The following FAM81A variants were observed in gnomAD, a reference collection of about 807,000 sequenced individuals.
FAM81A encodes the protein family with sequence similarity 81 member A.
FAM81A carries 19 observed loss-of-function variants against 46.7 expected under a neutral mutation model. The observed-to-expected ratio is 0.41, with a 90% CI of 0.28 to 0.60. The LOEUF (loss-of-function observed/expected upper bound fraction) is 0.60. Among genes scored for constraint, FAM81A ranks in the 20% least tolerant of loss-of-function variants. FAM81A has a pLI of 0.34. For synonymous variants in FAM81A, 183 were observed against 152.9 expected (o/e 1.20, Z -1.45); for missense variants, 377 against 453.5 (o/e 0.83, Z 1.53).
chr15:59,408,718 A>C (rs1412811929), intron 2 of FAM81A, among the ~76,000 whole-genome samples: 1 of 151,902 alleles, frequency 6.6e-6, no homozygotes, highest in East Asian at 1.9e-4. Context: ...AATCCCAGCT[A>C]CTCCGGAGGC....
chr15:59,454,143 T>G (rs1265328544), intron 1 of FAM81A, among the ~76,000 whole-genome samples: 6 of 152,356 alleles, frequency 3.9e-5, no homozygotes, highest in Non-Finnish European at 5.9e-5. Flanking sequence ...TTCACTCTGT[T>G]TTTAGCTATA....
At position 59,438,278 on chromosome 15, in the gene FAM81A, C is replaced by T. The variant is rs1214336520; in HGVS notation, c.-82C>T. The T allele has an allele frequency of 2.0e-5, 3 of 151,088 alleles. No individual in the cohort carries two copies. Among genetic ancestry groups the T allele is most frequent in the Admixed American group, 1.3e-4 (2 of 15,160 alleles). The allele number at this position is 151,088 out of a possible 1,614,324, so 9.4% of individuals were successfully genotyped here. A position where few individuals can be genotyped will look rare whatever the true frequency, so the allele number is the denominator to read the frequency against. On this transcript the variant is annotated 5_prime_UTR_variant, in exon 1 of 9. Transcript: ENST00000288228. Reference sequence around the variant, plus strand: ...GCAGCCGCGGCGCGCCCACCCCCCGCGCCGGTGAGTGCCGCGCTCTGGGAA... The same window carrying T: ...GCAGCCGCGGCGCGCCCACCCCCCGTGCCGGTGAGTGCCGCGCTCTGGGAA...
intron 4 of FAM81A, among the ~76,000 whole-genome samples, chr15:59,505,282 C>T (rs12906586): frequency 0.34 from 51,063 of 151,844 alleles, 10,322 homozygotes; most frequent in Non-Finnish European, 0.44. Flanking sequence ...GAGGCTGAGG[C>T]GGGTGGATTG....
chr15:59,447,960 A>G (rs1391565256), intron 1 of FAM81A, among the ~76,000 whole-genome samples: 1 of 152,166 alleles, frequency 6.6e-6, no homozygotes, highest in East Asian at 1.9e-4. Flanking sequence ...CTCCTGCCTC[A>G]TCCATCTTTG....
At chr15:59,445,652 T>A (rs2081346762) in intron 1 of FAM81A, 1 of 152,222 alleles carries the variant, frequency 6.6e-6, no homozygotes, top group Admixed American at 6.5e-5. Flanking sequence ...GCCTAAATTC[T>A]TAGCTTTTCA....
At chr15:59,401,787 G>A (rs1192344953) in intron 1 of FAM81A, 17 of 718,266 alleles carry the variant, frequency 2.4e-5, no homozygotes, top group Non-Finnish European at 3.3e-5. Flanking sequence ...TTTTTTTTTG[G>A]TGTTTCTCTT....
chr15:59,470,386 G>T (rs1287159714), intron 3 of FAM81A, among the ~76,000 whole-genome samples: 1 of 152,108 alleles, frequency 6.6e-6, no homozygotes, highest in Non-Finnish European at 1.5e-5. Context: ...ATATTTCTTG[G>T]AGGCTTTACT....
intron 4 of FAM81A, among the ~76,000 whole-genome samples, chr15:59,501,892 A>G (rs1449193420): frequency 6.6e-6 from 1 of 152,244 alleles, no homozygotes; most frequent in Non-Finnish European, 1.5e-5. Context: ...ATGCGCAGTT[A>G]TATTAGAGCC....
At position 59,523,090 on chromosome 15, in the gene FAM81A, ATC is replaced by A. The variant is rs1260867314; in HGVS notation, c.*1716_*1717del. 1 of 152,246 alleles carries A rather than the reference ATC, an allele frequency of 6.6e-6. No individual in the cohort carries two copies. The highest frequency in any genetic ancestry group is 2.4e-5 in the African/African-American group (1 of 41,454). 9.4% of individuals were successfully genotyped at this position (152,246 alleles called of 1,614,324 possible). A position where few individuals can be genotyped will look rare whatever the true frequency, so the allele number is the denominator to read the frequency against. On this transcript the variant is annotated 3_prime_UTR_variant, in exon 9 of 9. Coordinates refer to ENST00000288228, the MANE Select transcript of FAM81A (RefSeq NM_152450.3). ...CACAGGAAGCCACACCCCCTCCAGCATCTCTGTCTTGTGGGGTCTTTGAGGAG... is the reference window on the plus strand; with the variant it reads ...CACAGGAAGCCACACCCCCTCCAGCATCTGTCTTGTGGGGTCTTTGAGGAG...
intron 3 of FAM81A, among the ~76,000 whole-genome samples, chr15:59,487,394 T>C (rs1242906171): frequency 1.3e-5 from 2 of 150,898 alleles, no homozygotes; most frequent in Non-Finnish European, 3.0e-5. Flanking sequence ...CCAAAGTTAG[T>C]AGAAGAAAGG....
intron 2 of FAM81A, among the ~76,000 whole-genome samples, chr15:59,415,818 C>G (rs1189815803): frequency 1.3e-5 from 2 of 152,100 alleles, no homozygotes; most frequent in Non-Finnish European, 2.9e-5. Flanking sequence ...GGAAGGATTC[C>G]ACATTCAGAA....
chr15:59,495,867 G>T (rs555900212), intron 4 of FAM81A, among the ~76,000 whole-genome samples: 1 of 152,172 alleles, frequency 6.6e-6, no homozygotes, highest in South Asian at 2.1e-4. Flanking sequence ...TTGGGTAATT[G>T]TCTTTCTATT....
intron 1 of FAM81A, among the ~76,000 whole-genome samples, chr15:59,442,323 C>G (rs1328988015): frequency 2.0e-5 from 3 of 152,034 alleles, no homozygotes; most frequent in Non-Finnish European, 4.4e-5. Flanking sequence ...AGAAAAGTTG[C>G]AATAACTGGC....
intron 1 of FAM81A, among the ~76,000 whole-genome samples, chr15:59,442,147 C>T (rs1452617962): frequency 1.3e-5 from 2 of 152,184 alleles, no homozygotes; most frequent in African/African-American, 2.4e-5. Flanking sequence ...TTACCCAGGG[C>T]CCCCAGGTAC....
chr15:59,445,949 A>G (rs1441565113), intron 1 of FAM81A, among the ~76,000 whole-genome samples: 4 of 152,224 alleles, frequency 2.6e-5, no homozygotes, highest in Admixed American at 1.3e-4. Context: ...GCCCGGGCCC[A>G]CTGCAGGGTG....
chr15:59,471,653 G>A (rs567820909), intron 3 of FAM81A, among the ~76,000 whole-genome samples: 3 of 146,848 alleles, frequency 2.0e-5, no homozygotes, highest in African/African-American at 7.6e-5. Flanking sequence ...TTTTTTTGTA[G>A]AGATGAGGTC....
intron 2 of FAM81A, 21 bp downstream of exon 2, chr15:59,458,667 C>T (rs750430200): frequency 1.3e-6 from 2 of 1,599,468 alleles, no homozygotes; most frequent in Non-Finnish European, 1.7e-6. Flanking sequence ...CCTTTCCACT[C>T]ATCCCATGGG....
intron 2 of FAM81A, among the ~76,000 whole-genome samples, chr15:59,413,417 AACACACACACACACACACAC>A (rs535000983): frequency 1.5e-5 from 2 of 134,418 alleles, no homozygotes; most frequent in Non-Finnish European, 3.3e-5. Context: ...GAGAGCATTA[AACACACACACACACACACAC>A]ACACACACAC....
intron 3 of FAM81A, among the ~76,000 whole-genome samples, chr15:59,490,388 C>A (rs1435252208): frequency 2.7e-5 from 4 of 150,362 alleles, no homozygotes; most frequent in Non-Finnish European, 5.9e-5. Flanking sequence ...GCTCAAACAA[C>A]TCTATAAGAA....
Sources: gnomAD v4.1 joint callset for allele counts (sites outside exome capture counted in the v4.1 genomes callset) on GRCh38, gnomAD v4.1.1 for gene constraint, MANE v1.5 for transcripts, NCBI Gene and HGNC (gene_info 2026-07-23, HGNC 2026-07-21) for gene names.